Variants in ZNF577 observed in about 807,000 individuals in gnomAD.
The protein encoded by ZNF577 is zinc finger protein 577.
ZNF577 carries 14 observed loss-of-function variants against 13.9 expected under a neutral mutation model. That is an observed-to-expected ratio of 1.00 (90% confidence interval 0.66 to 1.57). ZNF577 has a LOEUF of 1.57. Ranked by LOEUF, ZNF577 falls within the 40% of genes most tolerant of loss-of-function variation. The probability of loss-of-function intolerance (pLI) is 0.00; values close to 1 mark genes in which losing one functional copy is unlikely to be tolerated. For synonymous variants in ZNF577, 203 were observed against 202.9 expected (o/e 1.00, Z 0.00); for missense variants, 555 against 579.2 (o/e 0.96, Z 0.43).
At chr19:51,831,364 G>C (rs947170735) in intron 9 of ZNF577, among the ~76,000 whole-genome samples, 1 of 152,122 alleles carries the variant, frequency 6.6e-6, no homozygotes, top group Non-Finnish European at 1.5e-5. Context: ...TGATCCACCT[G>C]CCTTGGCCTC....
chr19:51,847,964 C>CTTG (rs1272211279), intron 5 of ZNF577, among the ~76,000 whole-genome samples: 2 of 152,192 alleles, frequency 1.3e-5, no homozygotes, highest in South Asian at 4.1e-4. Flanking sequence ...CCCGGTCCCA[C>CTTG]CAGGAATGAT....
At chr19:51,880,506 C>A (rs2084845181) in intron 2 of ZNF577, 105 bp from the exon 3 acceptor site, 3 of 911,034 alleles carry the variant, frequency 3.3e-6, no homozygotes, top group Non-Finnish European at 5.2e-6. Flanking sequence ...ACCCCCTGAT[C>A]CATATATCTT....
At chr19:51,830,136 A>T (rs1269260378) in intron 9 of ZNF577, among the ~76,000 whole-genome samples, 1 of 974 alleles carries the variant, frequency 1.0e-3, no homozygotes, top group African/African-American at 5.6e-3. Flanking sequence ...TCTAGTGTTT[A>T]AAAAAAAAAA....
At chr19:51,850,429 G>T (rs1394328059) in intron 5 of ZNF577, among the ~76,000 whole-genome samples, 1 of 152,238 alleles carries the variant, frequency 6.6e-6, no homozygotes, top group African/African-American at 2.4e-5. Flanking sequence ...GCATATTGTC[G>T]CAAATTGTTT....
intron 9 of ZNF577, among the ~76,000 whole-genome samples, chr19:51,821,825 T>C (rs1034343674): frequency 6.6e-6 from 1 of 151,590 alleles, no homozygotes; most frequent in African/African-American, 2.4e-5. Context: ...TTCCCTCTGG[T>C]ACAAAAAGGG....
chr19:51,834,179 A>T (rs2084276798), intron 9 of ZNF577, among the ~76,000 whole-genome samples: 1 of 151,898 alleles, frequency 6.6e-6, no homozygotes, highest in Non-Finnish European at 1.5e-5. Flanking sequence ...CAGCCTTAAA[A>T]CCCTGGGCTC....
chr19:51,866,662 A>T (rs2084567128), downstream of ZNF577, among the ~76,000 whole-genome samples: 1 of 152,198 alleles, frequency 6.6e-6, no homozygotes, highest in Non-Finnish European at 1.5e-5. Flanking sequence ...CATCAACAGA[A>T]AATTAATACA....
Position 51,880,818 on chromosome 19 carries a change from C to T in ZNF577, c.-159G>A, listed in dbSNP as rs540304830. On this transcript the variant is annotated 5_prime_UTR_variant, in exon 2 of 6. Coordinates refer to ENST00000638348, the MANE Select transcript of ZNF577 (RefSeq NM_001370449.1). ...AGCTACCACTGGAAATGATGATCTT[C>T]CCCAGCCTGGAAGCTCCTTCTTCCA... The T allele has an allele frequency of 1.2e-3, 169 of 144,350 alleles. No homozygotes were observed. Among genetic ancestry groups the T allele is most frequent in the Non-Finnish European group, 2.1e-3 (138 of 65,516 alleles). The allele number at this position is 144,350 out of a possible 1,614,324, so 8.9% of individuals were successfully genotyped here. A position where few individuals can be genotyped will look rare whatever the true frequency, so the allele number is the denominator to read the frequency against.
At chr19:51,812,285 G>A (rs557074969) in intron 9 of ZNF577, among the ~76,000 whole-genome samples, 4 of 152,250 alleles carry the variant, frequency 2.6e-5, no homozygotes, top group South Asian at 4.1e-4. Flanking sequence ...TAAACAAAAC[G>A]TGATTAATAA....
chr19:51,825,549 C>T lies in ZNF577; in HGVS notation c.*600-13875G>A, dbSNP rs184939173. 2.4e-5 allele frequency: 4 copies of T among 167,194 alleles called. No homozygotes were observed. In the East Asian group the frequency reaches 7.7e-4, roughly 32 times the overall value. 10.4% of individuals were successfully genotyped at this position (167,194 alleles called of 1,614,324 possible). A position where few individuals can be genotyped will look rare whatever the true frequency, so the allele number is the denominator to read the frequency against. Reference sequence around the variant, plus strand: ...ATTCTGTTTCCTGAGGCTTAATACACCCAACATTATAACAAAGGACTGTAG... The same window carrying T: ...ATTCTGTTTCCTGAGGCTTAATACATCCAACATTATAACAAAGGACTGTAG... On this transcript the variant is annotated intron_variant and NMD_transcript_variant, in intron 9 of 10. Coordinates refer to the ZNF577 transcript ENST00000638827.
intron 9 of ZNF577, among the ~76,000 whole-genome samples, chr19:51,822,873 T>G (rs186010471): frequency 5.2e-4 from 79 of 152,226 alleles, no homozygotes; most frequent in African/African-American, 1.5e-3. Flanking sequence ...CTCTTTTTTT[T>G]TGTGGGGGGA....
intron 9 of ZNF577, among the ~76,000 whole-genome samples, chr19:51,828,526 A>ATT (rs1311218143): frequency 6.6e-6 from 1 of 152,176 alleles, no homozygotes; most frequent in East Asian, 1.9e-4. Context: ...GCCTTGGTTA[A>ATT]TTGCAGTAGA....
chr19:51,810,591 C>T (rs893860627), intron 10 of ZNF577, among the ~76,000 whole-genome samples: 5 of 152,136 alleles, frequency 3.3e-5, no homozygotes, highest in South Asian at 2.1e-4. Flanking sequence ...GTAATGTCTC[C>T]GTGTCCAGCA....
intron 1 of ZNF577, chr19:51,886,482 CCA>C (rs377154803): frequency 1.3e-5 from 2 of 152,142 alleles, no homozygotes; most frequent in African/African-American, 4.8e-5. Flanking sequence ...CAAATAAAAT[CCA>C]GTCTCATATT....
chr19:51,808,615 A>G (rs1420035523), intron 10 of ZNF577, among the ~76,000 whole-genome samples: 1 of 152,234 alleles, frequency 6.6e-6, no homozygotes, highest in Non-Finnish European at 1.5e-5. Flanking sequence ...GAAGGCACAG[A>G]GAATGCAAAT....
intron 8 of ZNF577, chr19:51,841,082 A>G (rs908213002): frequency 6.6e-6 from 1 of 152,250 alleles, no homozygotes; most frequent in Non-Finnish European, 1.5e-5. Flanking sequence ...AAACCTGATC[A>G]AAGTGAAACA....
At chr19:51,833,385 G>A (rs1338535712) in intron 9 of ZNF577, among the ~76,000 whole-genome samples, 1 of 152,168 alleles carries the variant, frequency 6.6e-6, no homozygotes, top group Non-Finnish European at 1.5e-5. Flanking sequence ...AGTTGTTTAA[G>A]GTAGGAGCAT....
At chr19:51,819,015 G>A (rs2084167757) in intron 9 of ZNF577, among the ~76,000 whole-genome samples, 1 of 152,210 alleles carries the variant, frequency 6.6e-6, no homozygotes, top group Non-Finnish European at 1.5e-5. Flanking sequence ...TAGTGGAGAT[G>A]GAGATGGCTC....
In ZNF577 at chr19:51,873,163, CCA is replaced by C; in HGVS notation, c.825_826del (p.Cys275TrpfsTer21). On this transcript the variant is annotated frameshift_variant, in exon 6 of 6. Transcript: ENST00000638348. LOFTEE classifies it low-confidence loss of function (END_TRUNC). ...GTATGCCTTCTGAGAAAAGGCTTTC[CCA>C]CACACACTGCACCCATAGAGTTTCT... The C allele has an allele frequency of 1.9e-6, 3 of 1,614,090 alleles. No individual in the cohort carries two copies. In the South Asian group the frequency reaches 3.3e-5, roughly 18 times the overall value.
Sources: allele counts gnomAD v4.1 joint callset (sites outside exome capture counted in the v4.1 genomes callset), GRCh38; gene constraint gnomAD v4.1.1; transcripts MANE v1.5; gene names NCBI Gene and HGNC (gene_info 2026-07-23, HGNC 2026-07-21).